Variants in YAP1 observed in about 807,000 individuals in gnomAD.
YAP1 encodes transcriptional coactivator YAP1.
Under a neutral mutation model 56.9 loss-of-function variants are expected in YAP1, and 5 were observed. That is an observed-to-expected ratio of 0.09 (90% confidence interval 0.05 to 0.18). YAP1 has a LOEUF of 0.18. Among genes scored for constraint, YAP1 ranks in the 10% least tolerant of loss-of-function variants. YAP1 has a pLI of 1.00. For synonymous variants in YAP1, 265 were observed against 248.1 expected, an observed-to-expected ratio of 1.07 and a Z score of -0.64; for missense variants, 539 against 651.8, an observed-to-expected ratio of 0.83 and a Z score of 1.88.
Position 102,131,222 on chromosome 11 carries a change from A to T in YAP1, c.572+16828A>T, listed in dbSNP as rs575014740. Among the ~76,000 whole-genome samples the T allele has an allele frequency of 2.6e-5, 4 of 152,348 alleles. No homozygotes were observed. In the East Asian group the frequency reaches 7.7e-4, roughly 29 times the overall value. On this transcript the variant is annotated intron_variant, in intron 2 of 8. Transcript: ENST00000282441. ...TAGCCCAAAAGAGTAGCCAATGCTT[A>T]GTCTTTAGTAGGCCATTGTCGATGT...
chr11:102,140,858 C>CA, intron 2 of YAP1, among the ~76,000 whole-genome samples: 1 of 151,758 alleles, frequency 6.6e-6, no homozygotes, highest in South Asian at 2.1e-4. Flanking sequence ...AAAAAAAAGA[C>CA]ATCTTAATCC....
chr11:102,146,606 T>C lies in YAP1; in HGVS notation c.573-15850T>C, dbSNP rs1945335510. 2.0e-5 allele frequency among the ~76,000 whole-genome samples: 3 copies of C among 152,232 alleles called. No homozygotes were observed. The South Asian group carries it at 6.2e-4, about 31-fold the overall frequency. Reference sequence around the variant, plus strand: ...ACTAATAACATTTGAACCCCTCCCTTATCCCAACTTCTGTAGCATTACTTT... The same window carrying C: ...ACTAATAACATTTGAACCCCTCCCTCATCCCAACTTCTGTAGCATTACTTT... On this transcript the variant is annotated intron_variant, in intron 2 of 8. Coordinates refer to ENST00000282441, the MANE Select transcript of YAP1 (RefSeq NM_001130145.3).
chr11:102,143,740 G>T (rs1945158603), intron 2 of YAP1, among the ~76,000 whole-genome samples: 1 of 152,198 alleles, frequency 6.6e-6, no homozygotes, highest in African/African-American at 2.4e-5. Context: ...TAATCGAACA[G>T]GTTACTTGTT....
intron 4 of YAP1, among the ~76,000 whole-genome samples, chr11:102,194,472 G>T (rs1591381688): frequency 6.6e-6 from 1 of 152,178 alleles, no homozygotes; most frequent in Admixed American, 6.5e-5. Context: ...ACTAGGGAGA[G>T]AAACTATTTT....
intron 2 of YAP1, among the ~76,000 whole-genome samples, chr11:102,150,334 CTT>C (rs1029345486): frequency 2.0e-5 from 3 of 152,132 alleles, no homozygotes; most frequent in Non-Finnish European, 2.9e-5. Flanking sequence ...CATCCCTTGT[CTT>C]TTGTCTGCCA....
chr11:102,190,269 A>G (rs1261505682), intron 4 of YAP1, among the ~76,000 whole-genome samples: 1 of 152,170 alleles, frequency 6.6e-6, no homozygotes, highest in Non-Finnish European at 1.5e-5. Context: ...TATGGACTAC[A>G]TTAATTACTT....
At chr11:102,115,026 C>T (rs1943192638) in intron 2 of YAP1, among the ~76,000 whole-genome samples, 1 of 152,126 alleles carries the variant, frequency 6.6e-6, no homozygotes, top group African/African-American at 2.4e-5. Context: ...CAACAGAAAC[C>T]CTCCTCTCTG....
intron 3 of YAP1, among the ~76,000 whole-genome samples, chr11:102,169,773 T>G (rs1565224959): frequency 6.6e-6 from 1 of 152,170 alleles, no homozygotes; most frequent in Non-Finnish European, 1.5e-5. Context: ...AGCCAATCCT[T>G]AAGAAGCTTG....
At position 102,166,342 on chromosome 11, in the gene YAP1, A is replaced by G. The variant is rs1430780821; in HGVS notation, c.688+3771A>G. On this transcript the variant is annotated intron_variant, in intron 3 of 8. Coordinates refer to ENST00000282441, the MANE Select transcript of YAP1 (RefSeq NM_001130145.3). ...TTTTCTTCCATTTCAGTGGAAGCCC[A>G]TGGTTTTGACATGTTTTGGAATGAA... 1.4e-4 allele frequency among the ~76,000 whole-genome samples: 22 copies of G among 152,254 alleles called. No homozygotes were observed. The East Asian group carries it at 3.1e-3, about 21-fold the overall frequency.
rs200493232 is a variant in YAP1, at chr11:102,225,002, A to AT, written c.1163+1258dup. Among the ~76,000 whole-genome samples the AT allele has an allele frequency of 8.6e-3, 1,304 of 152,048 alleles. 78 individuals carry two copies. Among genetic ancestry groups the AT allele is most frequent in the Admixed American group, 0.079 (1,208 of 15,258 alleles). Reference sequence around the variant, plus strand: ...ATCCTTCTGACAGTCACTTATGAAGATTTTTTTTCTTAAAACTTTTGATGA... The same window carrying AT: ...ATCCTTCTGACAGTCACTTATGAAGATTTTTTTTTCTTAAAACTTTTGATGA... On this transcript the variant is annotated intron_variant, in intron 7 of 8. Transcript: ENST00000282441.
intron 7 of YAP1, among the ~76,000 whole-genome samples, chr11:102,224,204 A>G (rs1950085653): frequency 6.6e-6 from 1 of 152,222 alleles, no homozygotes; most frequent in Admixed American, 6.5e-5. Flanking sequence ...TAAGGGCTAT[A>G]GTCCAAGGAG....
chr11:102,156,499 T>C (rs1945953253), intron 2 of YAP1, among the ~76,000 whole-genome samples: 1 of 152,234 alleles, frequency 6.6e-6, no homozygotes, highest in South Asian at 2.1e-4. Flanking sequence ...AAATATTTCT[T>C]TATTTTTAGT....
At chr11:102,161,053 CTTTTT>C (rs67023819) in intron 2 of YAP1, among the ~76,000 whole-genome samples, 5 of 75,492 alleles carry the variant, frequency 6.6e-5, no homozygotes, top group South Asian at 5.4e-4. Flanking sequence ...TAATTTCTTT[CTTTTT>C]TTTTTTTTTT....
At chr11:102,143,212 G>T (rs183310880) in intron 2 of YAP1, among the ~76,000 whole-genome samples, 2 of 152,218 alleles carry the variant, frequency 1.3e-5, no homozygotes, top group Admixed American at 1.3e-4. Context: ...TGCGTTTTCT[G>T]TAGTATCTCA....
At chr11:102,112,847 TATA>T in intron 1 of YAP1, 2 of 873,896 alleles carry the variant, frequency 2.3e-6, no homozygotes, top group Non-Finnish European at 2.7e-6. Flanking sequence ...GTTTTCAAAG[TATA>T]ATACACATAG....
At chr11:102,134,632 T>G (rs963024078) in intron 2 of YAP1, among the ~76,000 whole-genome samples, 6 of 152,022 alleles carry the variant, frequency 3.9e-5, no homozygotes, top group African/African-American at 1.2e-4. Context: ...TGCTAGTTCC[T>G]TAGAAGTCTT....
At chr11:102,193,332 A>C (rs1022148314) in intron 4 of YAP1, among the ~76,000 whole-genome samples, 3 of 152,074 alleles carry the variant, frequency 2.0e-5, no homozygotes, top group Admixed American at 2.0e-4. Flanking sequence ...TTAAAATTTT[A>C]TGTTAAATTC....
chr11:102,197,675 C>G (rs569684704), intron 4 of YAP1, among the ~76,000 whole-genome samples: 1 of 152,084 alleles, frequency 6.6e-6, no homozygotes, highest in South Asian at 2.1e-4. Flanking sequence ...AGCACAGACT[C>G]TAAATTTTAA....
At chr11:102,210,213 A>G (rs564086863) in intron 6 of YAP1, among the ~76,000 whole-genome samples, 9 of 152,334 alleles carry the variant, frequency 5.9e-5, no homozygotes, top group Admixed American at 5.2e-4. Context: ...CGTGGGAAGA[A>G]TCTCGTTCTT....
Sources: allele counts gnomAD v4.1 joint callset (sites outside exome capture counted in the v4.1 genomes callset), GRCh38; gene constraint gnomAD v4.1.1; transcripts MANE v1.5; gene names NCBI Gene and HGNC (gene_info 2026-07-23, HGNC 2026-07-21).